TSNARE1: variants seen among roughly 807,000 people sequenced by gnomAD.
The protein encoded by TSNARE1 is t-SNARE domain-containing protein 1.
A neutral mutation model predicts 62.0 loss-of-function variants in TSNARE1; 49 were observed. That is an observed-to-expected ratio of 0.79 (90% CI 0.63 to 1.00). The LOEUF (loss-of-function observed/expected upper bound fraction) is 1.00, where lower values mean the gene tolerates loss of function less well. Among genes scored for constraint, TSNARE1 ranks in the 50% least tolerant of loss-of-function variants. The pLI is 0.00. For missense variants in TSNARE1, 755 were observed against 700.1 expected, an observed-to-expected ratio of 1.08 and a Z score of -0.88; for synonymous variants, 328 against 294.4, an observed-to-expected ratio of 1.11 and a Z score of -1.17.
chr8:142,247,282 G>A (rs573620994), intron 12 of TSNARE1, among the ~76,000 whole-genome samples: 1 of 152,334 alleles, frequency 6.6e-6, no homozygotes, highest in East Asian at 1.9e-4. Flanking sequence ...ACTGCCCGAG[G>A]CTCGGGGTCC....
At chr8:142,273,777 G>A (rs1173312500) in intron 12 of TSNARE1, 1 of 985,296 alleles carries the variant, frequency 1.0e-6, no homozygotes, top group Non-Finnish European at 1.2e-6. Flanking sequence ...CACCCAGTCA[G>A]GCCCCTGCGT....
intron 1 of TSNARE1, among the ~76,000 whole-genome samples, chr8:142,371,763 C>T (rs1835933742): frequency 6.6e-6 from 1 of 152,098 alleles, no homozygotes; most frequent in Non-Finnish European, 1.5e-5. Flanking sequence ...TAAACGCCAA[C>T]TCTTAAAAAA....
At chr8:142,226,346 G>A (rs576419952) in intron 13 of TSNARE1, among the ~76,000 whole-genome samples, 38 of 152,280 alleles carry the variant, frequency 2.5e-4, no homozygotes, top group Non-Finnish European at 5.4e-4. Flanking sequence ...CGTCACAGAG[G>A]CGACACTGGC....
Position 142,344,438 on chromosome 8 carries a change from C to T in TSNARE1, c.273G>A (p.Pro91=), listed in dbSNP as rs559577113. The change falls in exon 4 of 14, where the codon CCG becomes CCA. Residue 91 remains proline (P), a synonymous_variant. Transcript: ENST00000524325. ...PGVAPEGSRM[P]EPTSSPTIGP... is the part of the protein sequence containing the mutation. ...CAATGGTGGGTGATGAGGTGGGCTC[C>T]GGCATCCGGCTGCCTTCAGGGGCAA... The T allele has an allele frequency of 1.3e-4, 213 of 1,580,092 alleles. 1 individual carries two copies. In the South Asian group the frequency reaches 1.9e-3, roughly 14 times the overall value.
intron 12 of TSNARE1, among the ~76,000 whole-genome samples, chr8:142,238,482 T>C (rs1300299934): frequency 6.6e-6 from 1 of 151,956 alleles, no homozygotes; most frequent in Non-Finnish European, 1.5e-5. Flanking sequence ...CAGATGCTGG[T>C]AGCCAGAAGC....
chr8:142,354,972 G>A (rs1834606193), intron 1 of TSNARE1, among the ~76,000 whole-genome samples: 1 of 151,584 alleles, frequency 6.6e-6, no homozygotes, highest in Admixed American at 6.6e-5. Flanking sequence ...TGGTCCACTG[G>A]TCCCTGCAGG....
At chr8:142,309,200 G>A (rs1286494661) in intron 9 of TSNARE1, among the ~76,000 whole-genome samples, 5 of 152,134 alleles carry the variant, frequency 3.3e-5, no homozygotes, top group South Asian at 2.1e-4. Context: ...GATTTTCCAT[G>A]GACATAATCA....
intron 9 of TSNARE1, among the ~76,000 whole-genome samples, chr8:142,301,638 T>C (rs931576063): frequency 1.1e-4 from 17 of 152,152 alleles, no homozygotes; most frequent in Non-Finnish European, 1.5e-5. Context: ...TGTGTGGTTG[T>C]GGGATGTGTG....
rs778089839 is a variant in TSNARE1, at chr8:142,274,880, C to T, written c.1364-17G>A. ...CAATACTATCTGCAAATCAAGACAACAGAAGGCAATTACAGATGGAGGCCC... is the reference window on the plus strand; with the variant it reads ...CAATACTATCTGCAAATCAAGACAATAGAAGGCAATTACAGATGGAGGCCC... On this transcript the variant is annotated splice_polypyrimidine_tract_variant and intron_variant, in intron 11 of 13. Transcript: ENST00000524325. 1.5e-5 allele frequency: 23 copies of T among 1,531,876 alleles called. No individual in the cohort carries two copies. The highest frequency in any genetic ancestry group is 2.0e-5 in the Non-Finnish European group (23 of 1,136,780). The allele number at this position is 1,531,876 out of a possible 1,614,324, so 94.9% of individuals were successfully genotyped here.
At position 142,318,560 on chromosome 8, in the gene TSNARE1, A is replaced by G. The variant is rs1175134176; in HGVS notation, c.968T>C (p.Leu323Pro). The G allele has an allele frequency of 1.2e-6, 2 of 1,613,196 alleles. No individual in the cohort carries two copies. Among genetic ancestry groups the G allele is most frequent in the East Asian group, 2.2e-5 (1 of 44,846 alleles). ...GGAACATACCGGGCAGGAGCTGCGC[A>G]GCAGCTCGGCCATCTGCTTCACGGA... ...ASSVKQMAELLRSSCPQERLQ... is the reference protein window; with the variant it reads ...ASSVKQMAELPRSSCPQERLQ... Residue 323 changes from leucine (L) to proline (P), a missense_variant, in exon 7 of 14, where the codon CTG becomes CCG. Physicochemically the swap from Leu to Pro is moderately conservative, Grantham distance 98 (BLOSUM62 -3). Coordinates refer to ENST00000524325, the MANE Select transcript of TSNARE1 (RefSeq NM_145003.5).
chr8:142,375,333 C>T (rs542318421), intron 1 of TSNARE1, among the ~76,000 whole-genome samples: 7 of 152,340 alleles, frequency 4.6e-5, no homozygotes, highest in South Asian at 2.1e-4. Context: ...AGCAGTGGAG[C>T]GGTGCCCCGG....
rs770367298 is a variant in TSNARE1 at position 142,344,225 on chromosome 8, G to A, written c.486C>T (p.Arg162=). 18 of 1,613,190 alleles carry A rather than the reference G, an allele frequency of 1.1e-5. No homozygotes were observed. Among genetic ancestry groups the A allele is most frequent in the South Asian group, 9.9e-5 (9 of 91,062 alleles). ...LLKAEPTRRY[R]VWSRILQAVN... ...CGGCCTGCAGGATGCGGCTCCACAC[G>A]CGGTACCTGCGAGTGGGCTCGGCCT... Residue 162 remains arginine, a synonymous_variant, in exon 4 of 14, where the codon CGC becomes CGT. Transcript: ENST00000524325.
At position 142,251,978 on chromosome 8, in the gene TSNARE1, G is replaced by A. The variant is rs562068268; in HGVS notation, c.1447-22399C>T. ...CCCATGTTCTCTGTCTTCAGGGCCC[G>A]GGCACCATGTACCCGCCACTCGCGT... On this transcript the variant is annotated intron_variant, in intron 12 of 13. Transcript: ENST00000524325. 3.7e-3 allele frequency among the ~76,000 whole-genome samples: 537 copies of A among 144,690 alleles called. 2 individuals carry two copies. Among genetic ancestry groups the A allele is most frequent in the African/African-American group, 0.013 (515 of 38,446 alleles). 94.9% of individuals were successfully genotyped at this position (144,690 alleles called of 152,430 possible). A position where few individuals can be genotyped will look rare whatever the true frequency, so the allele number is the denominator to read the frequency against.
Position 142,342,874 on chromosome 8 carries a change from T to C in TSNARE1, c.745+1092A>G, listed in dbSNP as rs900157517. On this transcript the variant is annotated intron_variant, in intron 4 of 13. Transcript: ENST00000524325. ...CCTGTCCAGGCAACTTCCGGACACC[T>C]GTCCCAGCACCTGCCCGGGCCCACC... is the stretch of plus-strand genomic sequence containing the variant. Among the ~76,000 whole-genome samples the C allele has an allele frequency of 4.7e-5, 7 of 149,812 alleles. No individual in the cohort carries two copies. The East Asian group carries it at 5.9e-4, about 13-fold the overall frequency.
intron 12 of TSNARE1, among the ~76,000 whole-genome samples, chr8:142,240,977 T>A (rs891187124): frequency 2.0e-5 from 3 of 152,332 alleles, no homozygotes; most frequent in Admixed American, 2.0e-4. Flanking sequence ...GTGCCGGCTA[T>A]CATCACTTCT....
At position 142,316,083 on chromosome 8, in the gene TSNARE1, C is replaced by A. The variant is rs147210277; in HGVS notation, c.985-991G>T. ...CCACCATGTGGGGCCTTGCTCAGCA[C>A]CTCACGTAAGCGCAGCGCCTCCCGT... is the stretch of plus-strand genomic sequence containing the variant. On this transcript the variant is annotated intron_variant, in intron 7 of 13. Transcript: ENST00000524325. 9.1e-4 allele frequency among the ~76,000 whole-genome samples: 139 copies of A among 152,150 alleles called. 1 individual carries two copies. Among genetic ancestry groups the A allele is most frequent in the Middle Eastern group, 3.4e-3 (1 of 294 alleles).
intron 4 of TSNARE1, among the ~76,000 whole-genome samples, chr8:142,338,090 G>C (rs866204982): frequency 1.3e-5 from 2 of 152,122 alleles, no homozygotes. Context: ...AAAACAAAAC[G>C]AAACGTCAGC....
At chr8:142,347,660 T>C (rs567068145) in intron 2 of TSNARE1, among the ~76,000 whole-genome samples, 59 of 151,488 alleles carry the variant, frequency 3.9e-4, no homozygotes, top group Admixed American at 5.9e-4. Context: ...CTCGCCACAC[T>C]GCATCCGCTC....
chr8:142,268,935 C>A (rs1285979179), intron 12 of TSNARE1, among the ~76,000 whole-genome samples: 1 of 152,258 alleles, frequency 6.6e-6, no homozygotes, highest in Non-Finnish European at 1.5e-5. Context: ...CTCTAAGACA[C>A]CCTATTCTCT....
Sources: gnomAD v4.1 joint callset for allele counts (sites outside exome capture counted in the v4.1 genomes callset) on GRCh38, gnomAD v4.1.1 for gene constraint, MANE v1.5 for transcripts, NCBI Gene and HGNC (gene_info 2026-07-23, HGNC 2026-07-21) for gene names.